The following PTCHD4 variants were observed in gnomAD, a reference collection of about 807,000 sequenced individuals.
The protein encoded by PTCHD4 is patched domain containing 4, also known as patched domain-containing protein 4.
Under a neutral mutation model 58.1 loss-of-function variants are expected in PTCHD4, and 33 were observed. The ratio of observed to expected loss-of-function variants is 0.57; its 90% CI spans 0.43 to 0.76. The LOEUF (loss-of-function observed/expected upper bound fraction) is 0.76, where lower values mean the gene tolerates loss of function less well. Among genes scored for constraint, PTCHD4 ranks in the 30% least tolerant of loss-of-function variants. The pLI, the probability that PTCHD4 is intolerant of heterozygous loss-of-function variation, is 0.00. For synonymous variants in PTCHD4, 478 were observed against 409.6 expected, an observed-to-expected ratio of 1.17 and a Z score of -2.02; for missense variants, 1,058 against 1,027.1, an observed-to-expected ratio of 1.03 and a Z score of -0.41.
intron 4 of PTCHD4, among the ~76,000 whole-genome samples, chr6:47,968,153 G>A (rs1042253829): frequency 6.6e-6 from 1 of 152,054 alleles, no homozygotes; most frequent in African/African-American, 2.4e-5. Context: ...GTCATTGCAG[G>A]GTTATTAACT....
chr6:48,031,388 C>T (rs1032808123), intron 3 of PTCHD4, among the ~76,000 whole-genome samples: 1 of 152,094 alleles, frequency 6.6e-6, no homozygotes, highest in Admixed American at 6.5e-5. Context: ...CAGCGTTGGG[C>T]CCAATCTCTC....
At chr6:47,986,898 T>C (rs1421393749) in intron 4 of PTCHD4, among the ~76,000 whole-genome samples, 1 of 152,182 alleles carries the variant, frequency 6.6e-6, no homozygotes, top group Non-Finnish European at 1.5e-5. Flanking sequence ...ACCTGCTTGA[T>C]ATCACACGCA....
intron 1 of PTCHD4, among the ~76,000 whole-genome samples, chr6:48,070,457 A>G (rs1342273757): frequency 6.6e-6 from 1 of 152,212 alleles, no homozygotes; most frequent in Non-Finnish European, 1.5e-5. Context: ...CAGAGAGCTC[A>G]GAAACAGCGA....
At position 47,944,646 on chromosome 6, in the gene PTCHD4, G is replaced by A. The variant is rs183418424; in HGVS notation, c.898+63988C>T. Among the ~76,000 whole-genome samples, 148 of 152,208 alleles carry A rather than the reference G, an allele frequency of 9.7e-4. 1 individual carries two copies. Among genetic ancestry groups the A allele is most frequent in the East Asian group, 7.7e-4 (4 of 5,178 alleles). On this transcript the variant is annotated intron_variant, in intron 4 of 4. Coordinates refer to ENST00000339488, the MANE Select transcript of PTCHD4 (RefSeq NM_001384253.1). ...CTAAGGGTAGAGGAATTGAAAAACA[G>A]GGAAGCAAATGGGAATAGTCATCAT... is the stretch of plus-strand genomic sequence containing the variant.
At chr6:48,060,622 T>C (rs1219845145) in intron 3 of PTCHD4, among the ~76,000 whole-genome samples, 2 of 152,156 alleles carry the variant, frequency 1.3e-5, no homozygotes, top group Non-Finnish European at 2.9e-5. Flanking sequence ...CACAGGTGTG[T>C]ACCACCACAC....
intron 1 of PTCHD4, among the ~76,000 whole-genome samples, chr6:48,101,710 T>C (rs1032375563): frequency 6.6e-6 from 1 of 152,202 alleles, no homozygotes; most frequent in South Asian, 2.1e-4. Flanking sequence ...TATGTCATCA[T>C]CAAAGAATCT....
At chr6:48,022,630 T>C (rs1763107101) in intron 3 of PTCHD4, among the ~76,000 whole-genome samples, 1 of 152,160 alleles carries the variant, frequency 6.6e-6, no homozygotes, top group Non-Finnish European at 1.5e-5. Context: ...CAGCTTACCT[T>C]TGCAAGAGTG....
At chr6:48,006,245 G>T (rs1762436078) in intron 4 of PTCHD4, among the ~76,000 whole-genome samples, 2 of 152,188 alleles carry the variant, frequency 1.3e-5, no homozygotes, top group African/African-American at 4.8e-5. Flanking sequence ...CAAAGTGTGT[G>T]TTGAAGGGTC....
chr6:47,887,468 T>C (rs1764228257), intron 4 of PTCHD4, among the ~76,000 whole-genome samples: 1 of 152,148 alleles, frequency 6.6e-6, no homozygotes, highest in Non-Finnish European at 1.5e-5. Context: ...TGATTCTGAA[T>C]TTTTCTCCCA....
At chr6:48,026,775 C>G (rs1227231312) in intron 3 of PTCHD4, among the ~76,000 whole-genome samples, 2 of 152,090 alleles carry the variant, frequency 1.3e-5, no homozygotes, top group South Asian at 2.1e-4. Flanking sequence ...TAGACAGCTG[C>G]TAGATGTACC....
intron 4 of PTCHD4, among the ~76,000 whole-genome samples, chr6:47,924,425 A>G (rs913799368): frequency 1.3e-5 from 2 of 152,160 alleles, no homozygotes; most frequent in Non-Finnish European, 2.9e-5. Context: ...ATGAGGGAGT[A>G]GGTGTGGAGG....
chr6:48,101,134 T>C (rs995972764), intron 1 of PTCHD4, among the ~76,000 whole-genome samples: 1 of 152,074 alleles, frequency 6.6e-6, no homozygotes, highest in African/African-American at 2.4e-5. Flanking sequence ...CTAAATGGTA[T>C]TTTTAAGAGA....
rs1325041370 is a variant in PTCHD4 at position 48,105,300 on chromosome 6, A to T, written c.-970+5749T>A. 2.6e-5 allele frequency among the ~76,000 whole-genome samples: 4 copies of T among 152,136 alleles called. No homozygotes were observed. In the East Asian group the frequency reaches 7.7e-4, roughly 29 times the overall value. The stretch of plus-strand genomic sequence containing the variant: ...ACTAGAACTCAGGATTAAGAAACTC[A>T]CTCAAAACTGCTCAACTACATGGAA... On this transcript the variant is annotated intron_variant, in intron 1 of 4. Transcript: ENST00000339488.
At chr6:48,101,189 A>G (rs1454038829) in intron 1 of PTCHD4, among the ~76,000 whole-genome samples, 1 of 152,040 alleles carries the variant, frequency 6.6e-6, no homozygotes, top group Non-Finnish European at 1.5e-5. Context: ...TGTAGGATGG[A>G]AAAAAAATAT....
rs151246264 is a variant in PTCHD4 at position 47,884,092 on chromosome 6, A to ATGTG, written c.899-4160_899-4157dup. Reference sequence around the variant, plus strand: ...ATTTATCTTCCAAGCTTATGTATGTATGTGTGTGTGTGTGTGTGTGTATGT... The same window carrying ATGTG: ...ATTTATCTTCCAAGCTTATGTATGTATGTGTGTGTGTGTGTGTGTGTGTGTATGT... On this transcript the variant is annotated intron_variant, in intron 4 of 4. Coordinates refer to ENST00000339488, the MANE Select transcript of PTCHD4 (RefSeq NM_001384253.1). 3.7e-3 allele frequency among the ~76,000 whole-genome samples: 554 copies of ATGTG among 149,936 alleles called. 3 individuals carry two copies. Among genetic ancestry groups the ATGTG allele is most frequent in the African/African-American group, 0.013 (517 of 40,970 alleles).
At chr6:48,034,812 T>TA (rs1445527597) in intron 3 of PTCHD4, among the ~76,000 whole-genome samples, 1 of 152,100 alleles carries the variant, frequency 6.6e-6, no homozygotes, top group Non-Finnish European at 1.5e-5. Context: ...CCTCACTTCC[T>TA]AAAAAATGAT....
At chr6:47,938,165 A>G (rs930721551) in intron 4 of PTCHD4, among the ~76,000 whole-genome samples, 2 of 152,174 alleles carry the variant, frequency 1.3e-5, no homozygotes, top group African/African-American at 4.8e-5. Flanking sequence ...AAAAAGAAAA[A>G]GAAATAAAAT....
rs185158038 is a variant in PTCHD4, at chr6:47,860,278, G to A, written c.*18025C>T. ...TCATACTTTTTCTTCATCCCATATA[G>A]CACATGATGTTAAACTCAAGGTAAT... On this transcript the variant is annotated 3_prime_UTR_variant, in exon 5 of 5. Transcript: ENST00000339488. 3.9e-5 allele frequency among the ~76,000 whole-genome samples: 6 copies of A among 152,036 alleles called. No individual in the cohort carries two copies. Among genetic ancestry groups the A allele is most frequent in the Admixed American group, 3.9e-4 (6 of 15,264 alleles).
intron 1 of PTCHD4, among the ~76,000 whole-genome samples, chr6:48,101,590 C>A (rs1765604125): frequency 6.6e-6 from 1 of 152,106 alleles, no homozygotes; most frequent in African/African-American, 2.4e-5. Flanking sequence ...ATATTTCTTC[C>A]CCTTTTCCCT....
Sources: allele counts gnomAD v4.1 joint callset (sites outside exome capture counted in the v4.1 genomes callset), GRCh38; gene constraint gnomAD v4.1.1; transcripts MANE v1.5; gene names NCBI Gene and HGNC (gene_info 2026-07-23, HGNC 2026-07-21).